The following TPH2 variants were observed in gnomAD, a reference collection of about 807,000 sequenced individuals.
TPH2 encodes tryptophan 5-hydroxylase 2.
A neutral mutation model predicts 59.1 loss-of-function variants in TPH2; 27 were observed. The ratio of observed to expected loss-of-function variants is 0.46; its 90% confidence interval spans 0.34 to 0.63. The LOEUF is 0.63. Ranked by LOEUF, TPH2 falls within the 30% of genes least tolerant of loss-of-function variation. The pLI is 0.01. For missense variants in TPH2, 523 were observed against 588.3 expected (o/e 0.89, Z 1.15); for synonymous variants, 220 against 210.5 (o/e 1.05, Z -0.39).
At chr12:71,982,015 A>AATTTTTTTTTTTTT (rs1183784824) in intron 7 of TPH2, among the ~76,000 whole-genome samples, 3 of 60,506 alleles carry the variant, frequency 5.0e-5, no homozygotes, top group African/African-American at 1.8e-4. Context: ...TATCATTCGT[A>AATTTTTTTTTTTTT]TTTTTTTTTT....
At chr12:72,008,572 A>G (rs778027273) in intron 8 of TPH2, among the ~76,000 whole-genome samples, 26 of 152,232 alleles carry the variant, frequency 1.7e-4, no homozygotes, top group Admixed American at 1.3e-4. Context: ...CAGTCCTGGT[A>G]TTCATTCACA....
intron 8 of TPH2, among the ~76,000 whole-genome samples, chr12:72,019,432 C>T (rs971074859): frequency 1.3e-5 from 2 of 152,182 alleles, no homozygotes; most frequent in Admixed American, 6.5e-5. Context: ...CACTTGCTGT[C>T]CCCCCTTCTA....
chr12:71,998,115 A>G (rs1362306526), intron 8 of TPH2, among the ~76,000 whole-genome samples: 1 of 152,188 alleles, frequency 6.6e-6, no homozygotes, highest in Non-Finnish European at 1.5e-5. Context: ...CTTTAAATGC[A>G]GTGAAGAATT....
chr12:72,026,930 C>T (rs972914309), intron 9 of TPH2, among the ~76,000 whole-genome samples: 21 of 152,048 alleles, frequency 1.4e-4, no homozygotes, highest in Non-Finnish European at 2.6e-4. Flanking sequence ...TACACATATA[C>T]GTATGTATAT....
At chr12:71,952,680 C>A (rs1000316845) in intron 5 of TPH2, among the ~76,000 whole-genome samples, 1 of 152,184 alleles carries the variant, frequency 6.6e-6, no homozygotes, top group Admixed American at 6.5e-5. Flanking sequence ...TTAAAAACTG[C>A]AGCATTGGAC....
intron 5 of TPH2, among the ~76,000 whole-genome samples, chr12:71,970,022 G>C (rs1295574872): frequency 6.6e-6 from 1 of 152,184 alleles, no homozygotes; most frequent in Middle Eastern, 3.2e-3. Context: ...AGCTGTTACT[G>C]TATGCTTGTA....
intron 7 of TPH2, among the ~76,000 whole-genome samples, chr12:71,985,652 C>A (rs989296276): frequency 7.9e-5 from 12 of 152,178 alleles, no homozygotes; most frequent in Non-Finnish European, 1.3e-4. Context: ...CCACCTCGGC[C>A]TCCCAAAGTG....
intron 8 of TPH2, among the ~76,000 whole-genome samples, chr12:72,007,575 T>A (rs970033927): frequency 3.3e-5 from 5 of 152,166 alleles, no homozygotes; most frequent in South Asian, 2.1e-4. Flanking sequence ...TTCTGAAAGA[T>A]GTTGTTTGCT....
At chr12:71,953,505 G>T (rs536738110) in intron 5 of TPH2, among the ~76,000 whole-genome samples, 1 of 152,090 alleles carries the variant, frequency 6.6e-6, no homozygotes, top group Non-Finnish European at 1.5e-5. Context: ...TAGCAAGTAA[G>T]GTTTCCCTTC....
At chr12:71,951,448 C>G (rs894784907) in intron 5 of TPH2, among the ~76,000 whole-genome samples, 1 of 152,138 alleles carries the variant, frequency 6.6e-6, no homozygotes, top group African/African-American at 2.4e-5. Context: ...ATAGCTTCGT[C>G]ACTCAGTCTG....
intron 5 of TPH2, among the ~76,000 whole-genome samples, chr12:71,966,447 T>C (rs1248825659): frequency 6.6e-6 from 1 of 152,210 alleles, no homozygotes. Flanking sequence ...AGCTCTTCTT[T>C]GTTTTCTCCA....
intron 8 of TPH2, among the ~76,000 whole-genome samples, chr12:71,996,884 G>A (rs1488435921): frequency 6.6e-6 from 1 of 152,138 alleles, no homozygotes; most frequent in East Asian, 1.9e-4. Flanking sequence ...ACATTTATAA[G>A]GAATGTGACA....
At position 71,949,463 on chromosome 12, in the gene TPH2, T is replaced by C. The variant is rs7977183; in HGVS notation, c.541-125T>C. On this transcript the variant is annotated intron_variant, in intron 4 of 10. Coordinates refer to ENST00000333850, the MANE Select transcript of TPH2 (RefSeq NM_173353.4). ...TTTGTTTCTGTCTGTGTCATCAAGA[T>C]GGCCATCCTAGGATAAGATTTACAT... is the stretch of plus-strand genomic sequence containing the variant. 13 of 756,428 alleles carry C rather than the reference T, an allele frequency of 1.7e-5. 1 individual carries two copies. The highest frequency in any genetic ancestry group is 2.5e-5 in the Non-Finnish European group (11 of 435,742). 46.9% of individuals were successfully genotyped at this position (756,428 alleles called of 1,614,324 possible).
rs1873716732 is a variant in TPH2 at position 72,031,362 on chromosome 12, A to C, written c.1269A>C (p.Glu423Asp). ...TTFQEAYFVS[E>D]SFEEAKEKMR... ...TCCAGGAAGCCTACTTTGTTTCAGA[A>C]AGTTTTGAAGAAGCCAAAGAAAAGA... Residue 423 changes from glutamate to aspartate, a missense_variant, in exon 10 of 11, where the codon GAA (glutamate) becomes GAC (aspartate). Transcript: ENST00000333850. 1 of 1,613,580 alleles carries C rather than the reference A, an allele frequency of 6.2e-7. No homozygotes were observed. The highest frequency in any genetic ancestry group is 8.5e-7 in the Non-Finnish European group (1 of 1,179,666).
At chr12:71,951,579 C>A (rs765279453) in intron 5 of TPH2, among the ~76,000 whole-genome samples, 36 of 152,144 alleles carry the variant, frequency 2.4e-4, no homozygotes, top group Non-Finnish European at 4.4e-4. Flanking sequence ...AACTCCTGGG[C>A]TCAAGTGATC....
Position 72,031,331 on chromosome 12 carries a change from C to T in TPH2, c.1238C>T (p.Thr413Ile). The change falls in exon 10 of 11, where the codon ACC becomes ATC. Residue 413 changes from threonine (T) to isoleucine (I), a missense_variant. Thr to Ile is a moderately conservative substitution (Grantham distance 89). Coordinates refer to ENST00000333850, the MANE Select transcript of TPH2 (RefSeq NM_173353.4). ...KTTCLQECLITTFQEAYFVSE... is the reference protein window; with the variant it reads ...KTTCLQECLIITFQEAYFVSE... Reference sequence around the variant, plus strand: ...ACTTGCTTACAGGAATGCCTTATCACCACCTTCCAGGAAGCCTACTTTGTT... The same window carrying T: ...ACTTGCTTACAGGAATGCCTTATCATCACCTTCCAGGAAGCCTACTTTGTT... 6.2e-7 allele frequency: 1 copy of T among 1,613,750 alleles called. No individual in the cohort carries two copies. Among genetic ancestry groups the T allele is most frequent in the Non-Finnish European group, 8.5e-7 (1 of 1,179,676 alleles).
At chr12:71,946,596 C>T (rs568529122) in intron 4 of TPH2, among the ~76,000 whole-genome samples, 11 of 152,248 alleles carry the variant, frequency 7.2e-5, no homozygotes, top group Admixed American at 2.6e-4. Flanking sequence ...TTCTTTTATA[C>T]GCACACCAAA....
intron 4 of TPH2, among the ~76,000 whole-genome samples, chr12:71,945,323 T>A (rs913323248): frequency 1.3e-5 from 2 of 152,168 alleles, no homozygotes; most frequent in Non-Finnish European, 2.9e-5. Context: ...CCCTTTTACA[T>A]CTGTTTTTAT....
At chr12:71,988,622 G>A (rs1445564588) in intron 7 of TPH2, among the ~76,000 whole-genome samples, 3 of 152,100 alleles carry the variant, frequency 2.0e-5, no homozygotes, top group East Asian at 1.9e-4. Flanking sequence ...ATCCACCCCC[G>A]TGATCCAGTC....
Sources: allele counts gnomAD v4.1 joint callset (sites outside exome capture counted in the v4.1 genomes callset), GRCh38; gene constraint gnomAD v4.1.1; transcripts MANE v1.5; gene names NCBI Gene and HGNC (gene_info 2026-07-23, HGNC 2026-07-21).